SLC14A2: variants seen among roughly 807,000 people sequenced by gnomAD.
The protein encoded by SLC14A2 is urea transporter 2.
In SLC14A2, 91 loss-of-function variants were observed where a neutral mutation model predicts 104.6. The ratio of observed to expected loss-of-function variants is 0.87; its 90% CI spans 0.73 to 1.04. SLC14A2 has a LOEUF of 1.04. SLC14A2 is among the 50% of genes least tolerant of loss of function. SLC14A2 has a pLI of 0.00. For synonymous variants in SLC14A2, 476 were observed against 466.4 expected (o/e 1.02, Z -0.27); for missense variants, 1,189 against 1,156.0 (o/e 1.03, Z -0.41).
At chr18:45,390,375 A>C (rs1438711642) in intron 1 of SLC14A2, among the ~76,000 whole-genome samples, 2 of 152,170 alleles carry the variant, frequency 1.3e-5, no homozygotes, top group African/African-American at 4.8e-5. Flanking sequence ...CACTCAGGGT[A>C]AACTGAGTGA....
At chr18:45,296,793 T>A (rs1344179910) in intron 1 of SLC14A2, among the ~76,000 whole-genome samples, 1 of 152,078 alleles carries the variant, frequency 6.6e-6, no homozygotes, top group African/African-American at 2.4e-5. Flanking sequence ...GTATGACAAC[T>A]TCCTTTCTGA....
At chr18:45,312,004 TAGTG>T (rs1340152675) in intron 1 of SLC14A2, among the ~76,000 whole-genome samples, 3 of 152,182 alleles carry the variant, frequency 2.0e-5, no homozygotes, top group Non-Finnish European at 2.9e-5. Flanking sequence ...GAAGAAGTCT[TAGTG>T]AGTGACCAAG....
At chr18:45,423,218 C>T (rs545129039) in intron 1 of SLC14A2, among the ~76,000 whole-genome samples, 4 of 152,284 alleles carry the variant, frequency 2.6e-5, no homozygotes, top group Non-Finnish European at 4.4e-5. Flanking sequence ...TACAGGGACC[C>T]GAACTTCCCA....
intron 1 of SLC14A2, among the ~76,000 whole-genome samples, chr18:45,298,430 A>G (rs1258631786): frequency 2.0e-5 from 3 of 152,214 alleles, no homozygotes; most frequent in Non-Finnish European, 2.9e-5. Flanking sequence ...ACACCAATCC[A>G]AGGGCGTAGC....
At chr18:45,457,688 A>T (rs200221052) in intron 1 of SLC14A2, among the ~76,000 whole-genome samples, 1 of 6,138 alleles carries the variant, frequency 1.6e-4, no homozygotes, top group Admixed American at 3.5e-3. Flanking sequence ...TATGGAGGTT[A>T]AAAAAAAAAA....
intron 1 of SLC14A2, among the ~76,000 whole-genome samples, chr18:45,216,539 T>C (rs778500657): frequency 4.3e-4 from 66 of 152,306 alleles, no homozygotes; most frequent in Non-Finnish European, 8.5e-4. Context: ...AGAGGCCGTG[T>C]ATTTTTTATT....
intron 1 of SLC14A2, among the ~76,000 whole-genome samples, chr18:45,405,141 T>G (rs138362306): frequency 6.6e-6 from 1 of 152,212 alleles, no homozygotes; most frequent in East Asian, 1.9e-4. Flanking sequence ...CTAGACAGAG[T>G]CTGGGAAGTT....
chr18:45,287,907 C>T (rs533366293), intron 1 of SLC14A2, among the ~76,000 whole-genome samples: 1 of 152,314 alleles, frequency 6.6e-6, no homozygotes, highest in African/African-American at 2.4e-5. Context: ...TCCTTGACCC[C>T]AGAGGATACT....
rs145260721 is a variant in SLC14A2, at chr18:45,533,889, G to A, written c.-35+50567G>A. Among the ~76,000 whole-genome samples, 402 of 152,216 alleles carry A rather than the reference G, an allele frequency of 2.6e-3. 2 individuals carry two copies. The highest frequency in any genetic ancestry group is 9.2e-3 in the African/African-American group (382 of 41,538). On this transcript the variant is annotated intron_variant, in intron 2 of 20. Transcript: ENST00000586448. ...CTTTGAATGTGTCCCAGAGATTCTGGTATCACCTTTTCTAATGACTAAATC... is the reference window on the plus strand; with the variant it reads ...CTTTGAATGTGTCCCAGAGATTCTGATATCACCTTTTCTAATGACTAAATC...
chr18:45,273,132 C>T (rs563808519), intron 1 of SLC14A2, among the ~76,000 whole-genome samples: 2 of 152,148 alleles, frequency 1.3e-5, no homozygotes, highest in South Asian at 2.1e-4. Context: ...ATCATCAGAT[C>T]GGGGTTTTTG....
At chr18:45,672,235 A>G (rs1284054684) in intron 16 of SLC14A2, among the ~76,000 whole-genome samples, 2 of 151,744 alleles carry the variant, frequency 1.3e-5, no homozygotes, top group Non-Finnish European at 2.9e-5. Context: ...TTTTAGCTTT[A>G]AAAAAAAATC....
At chr18:45,213,439 A>G (rs1473821978) in intron 1 of SLC14A2, among the ~76,000 whole-genome samples, 1 of 152,258 alleles carries the variant, frequency 6.6e-6, no homozygotes, top group Admixed American at 6.5e-5. Flanking sequence ...CAAGCTGGTT[A>G]TAGGGAATTG....
chr18:45,255,007 G>A (rs2084461676), intron 1 of SLC14A2, among the ~76,000 whole-genome samples: 1 of 152,096 alleles, frequency 6.6e-6, no homozygotes, highest in Non-Finnish European at 1.5e-5. Flanking sequence ...GAAGGGAAAG[G>A]AATACCAGCA....
chr18:45,230,464 T>C (rs2084163702), intron 1 of SLC14A2, among the ~76,000 whole-genome samples: 1 of 152,198 alleles, frequency 6.6e-6, no homozygotes, highest in South Asian at 2.1e-4. Context: ...CTGTCTATTC[T>C]TCCATTGTCA....
At chr18:45,650,020 T>C (rs2045703782) in intron 10 of SLC14A2, among the ~76,000 whole-genome samples, 1 of 152,240 alleles carries the variant, frequency 6.6e-6, no homozygotes, top group South Asian at 2.1e-4. Flanking sequence ...ATTATTGGTT[T>C]CCCTCCATCT....
chr18:45,520,422 T>C (rs2043501635), intron 2 of SLC14A2, among the ~76,000 whole-genome samples: 1 of 152,176 alleles, frequency 6.6e-6, no homozygotes, highest in East Asian at 1.9e-4. Context: ...AACACACCCT[T>C]ACCTTATGTC....
At chr18:45,227,276 G>A (rs1262824636) in intron 1 of SLC14A2, among the ~76,000 whole-genome samples, 1 of 152,208 alleles carries the variant, frequency 6.6e-6, no homozygotes, top group East Asian at 1.9e-4. Flanking sequence ...GCAAAAATGT[G>A]AGCTGGGCAT....
At chr18:45,565,111 C>T (rs1054470819) in intron 2 of SLC14A2, among the ~76,000 whole-genome samples, 42 of 150,960 alleles carry the variant, frequency 2.8e-4, no homozygotes, top group Admixed American at 2.0e-4. Context: ...GTATTGTGAG[C>T]GTGCATGCAT....
chr18:45,449,375 C>T (rs2086822793), intron 1 of SLC14A2, among the ~76,000 whole-genome samples: 1 of 152,200 alleles, frequency 6.6e-6, no homozygotes, highest in African/African-American at 2.4e-5. Context: ...GAAGCCTTCT[C>T]CTGACCCCAA....
Sources: gnomAD v4.1 joint callset for allele counts (sites outside exome capture counted in the v4.1 genomes callset) on GRCh38, gnomAD v4.1.1 for gene constraint, MANE v1.5 for transcripts, NCBI Gene and HGNC (gene_info 2026-07-23, HGNC 2026-07-21) for gene names.